Variants in UGT8 observed in about 807,000 individuals in gnomAD.
UGT8 encodes the protein 2-hydroxyacylsphingosine 1-beta-galactosyltransferase.
UGT8 carries 12 observed loss-of-function variants against 40.5 expected under a neutral mutation model. That is an observed-to-expected ratio of 0.30 (90% confidence interval 0.19 to 0.48). UGT8 has a LOEUF of 0.48. Among genes scored for constraint, UGT8 ranks in the 20% least tolerant of loss-of-function variants. The probability of loss-of-function intolerance (pLI) is 0.99; values close to 1 mark genes in which losing one functional copy is unlikely to be tolerated. For missense variants in UGT8, 513 were observed against 648.7 expected, an observed-to-expected ratio of 0.79 and a Z score of 2.27; for synonymous variants, 224 against 240.4, an observed-to-expected ratio of 0.93 and a Z score of 0.63.
At chr4:114,674,510 A>G (rs1199059638) in intron 5 of UGT8, among the ~76,000 whole-genome samples, 1 of 152,074 alleles carries the variant, frequency 6.6e-6, no homozygotes, top group Non-Finnish European at 1.5e-5. Flanking sequence ...CATCACGAGT[A>G]TCTTCCCTCT....
intron 1 of UGT8, among the ~76,000 whole-genome samples, chr4:114,605,653 T>C (rs1039461291): frequency 1.3e-5 from 2 of 152,146 alleles, no homozygotes; most frequent in African/African-American, 4.8e-5. Context: ...GGGGCTAATT[T>C]TCTTCCAAGT....
At chr4:114,671,132 A>G (rs1403131617) in intron 5 of UGT8, among the ~76,000 whole-genome samples, 1 of 152,190 alleles carries the variant, frequency 6.6e-6, no homozygotes, top group Non-Finnish European at 1.5e-5. Flanking sequence ...AAGGAGAACT[A>G]CAAACCACTG....
intron 2 of UGT8, among the ~76,000 whole-genome samples, chr4:114,639,007 T>C (rs1733053155): frequency 6.6e-6 from 1 of 152,228 alleles, no homozygotes; most frequent in African/African-American, 2.4e-5. Flanking sequence ...TTCTATTACT[T>C]ATTGGAAAAT....
intron 3 of UGT8, chr4:114,665,453 A>G (rs1034699399): frequency 1.5e-5 from 15 of 985,196 alleles, no homozygotes; most frequent in Non-Finnish European, 1.2e-5. Flanking sequence ...TGGAAAATAG[A>G]TCTCTATGTA....
chr4:114,641,797 A>G (rs908674551), intron 2 of UGT8, among the ~76,000 whole-genome samples: 3 of 152,184 alleles, frequency 2.0e-5, no homozygotes, highest in Non-Finnish European at 4.4e-5. Flanking sequence ...AAATTATAAG[A>G]TCAAAATTTC....
intron 1 of UGT8, among the ~76,000 whole-genome samples, chr4:114,599,996 C>T (rs577534843): frequency 6.6e-6 from 1 of 152,206 alleles, no homozygotes; most frequent in East Asian, 1.9e-4. Flanking sequence ...GCCTCTGTAC[C>T]TGTACCGCGA....
chr4:114,600,435 C>T (rs1730373670), intron 1 of UGT8, among the ~76,000 whole-genome samples: 1 of 152,110 alleles, frequency 6.6e-6, no homozygotes, highest in African/African-American at 2.4e-5. Context: ...TCAAAATTGG[C>T]GTGCTTCTGA....
intron 4 of UGT8, 35 bp from the exon 5 acceptor site, chr4:114,668,050 T>A (rs1735001838): frequency 6.2e-7 from 1 of 1,604,340 alleles, no homozygotes; most frequent in Admixed American, 1.7e-5. Context: ...AGAGTAATAA[T>A]GTTGTAAGTT....
At chr4:114,650,256 T>C (rs1305838967) in intron 2 of UGT8, among the ~76,000 whole-genome samples, 1 of 152,246 alleles carries the variant, frequency 6.6e-6, no homozygotes, top group African/African-American at 2.4e-5. Flanking sequence ...ATCTGCATGT[T>C]ATCTTCCTGG....
At chr4:114,623,939 T>TAGACTGCCTGGGAAGTAGTTTTCTGATTA (rs1732020710) in intron 2 of UGT8, 1 of 188,414 alleles carries the variant, frequency 5.3e-6, no homozygotes, top group Non-Finnish European at 9.9e-6. Context: ...ATATGGTCAA[T>TAGACTGCCTGGGAAGTAGTTTTCTGATTA]AGACTGCCTG....
At chr4:114,646,794 A>G (rs973879024) in intron 2 of UGT8, among the ~76,000 whole-genome samples, 2 of 152,170 alleles carry the variant, frequency 1.3e-5, no homozygotes, top group South Asian at 2.1e-4. Flanking sequence ...AGAAATGACA[A>G]TATTTTTTGT....
rs1735693374 is a variant in UGT8, at chr4:114,676,911, T to A, written c.*623T>A. ...TTTTTTGTATTTTTTTTTTTAGTTA[T>A]TTTTTGTTGTTGTTGTTTGTATTGT... On this transcript the variant is annotated 3_prime_UTR_variant, in exon 6 of 6. Coordinates refer to ENST00000310836, the MANE Select transcript of UGT8 (RefSeq NM_001128174.3). 6.6e-6 allele frequency: 1 copy of A among 151,718 alleles called. No homozygotes were observed. The highest frequency in any genetic ancestry group is 6.6e-5 in the Admixed American group (1 of 15,234). The allele number at this position is 151,718 out of a possible 1,614,324, so 9.4% of individuals were successfully genotyped here. A position where few individuals can be genotyped will look rare whatever the true frequency, so the allele number is the denominator to read the frequency against.
In UGT8 at chr4:114,663,941, A is replaced by G. The variant is rs538437118; in HGVS notation, c.823-54A>G. The G allele has an allele frequency of 1.4e-4, 216 of 1,591,622 alleles. 3 individuals are homozygous for G. In the South Asian group the frequency reaches 2.4e-3, roughly 18 times the overall value. On this transcript the variant is annotated intron_variant, in intron 2 of 5. Transcript: ENST00000310836. ...TTTTAACTGGGCTGTTAATAACACC[A>G]ATTATAAACTACATTGGTCTTCGTA...
At position 114,665,707 on chromosome 4, in the gene UGT8, A is replaced by G. The variant is rs1167178084; in HGVS notation, c.993A>G (p.Leu331=). Residue 331 remains leucine, a synonymous_variant, in exon 4 of 6, where the codon CTA becomes CTG. Transcript: ENST00000310836. ...WRFSGPKPKN[L]GNNTKLIEWL... Reference sequence around the variant, plus strand: ...TTTCTGGACCCAAACCAAAGAATCTAGGAAACAACACTAAACTCATAGAAT... The same window carrying G: ...TTTCTGGACCCAAACCAAAGAATCTGGGAAACAACACTAAACTCATAGAAT... The G allele has an allele frequency of 5.0e-6, 8 of 1,609,036 alleles. No individual in the cohort carries two copies. Among genetic ancestry groups the G allele is most frequent in the African/African-American group, 4.0e-5 (3 of 74,440 alleles).
At chr4:114,603,855 T>C (rs76180896) in intron 1 of UGT8, among the ~76,000 whole-genome samples, 1,978 of 152,304 alleles carry the variant, frequency 0.013, 30 homozygotes, top group African/African-American at 0.035. Context: ...GGACTTGGAT[T>C]TGTGATTAGA....
chr4:114,610,739 G>A (rs1730989764), intron 1 of UGT8, among the ~76,000 whole-genome samples: 1 of 152,068 alleles, frequency 6.6e-6, no homozygotes, highest in Non-Finnish European at 1.5e-5. Flanking sequence ...GAATTGAATA[G>A]GAAAATACCT....
intron 2 of UGT8, among the ~76,000 whole-genome samples, chr4:114,641,887 G>A (rs190231284): frequency 2.6e-4 from 39 of 152,090 alleles, no homozygotes; most frequent in African/African-American, 7.5e-4. Context: ...TATATTTTTC[G>A]ATATAGCTGT....
chr4:114,656,947 T>C, intron 2 of UGT8: 1 of 396,776 alleles, frequency 2.5e-6, no homozygotes, highest in East Asian at 9.7e-5. Flanking sequence ...TCAGATATGG[T>C]ACATAGCAGC....
At chr4:114,610,720 A>C (rs1281079079) in intron 1 of UGT8, among the ~76,000 whole-genome samples, 1 of 152,148 alleles carries the variant, frequency 6.6e-6, no homozygotes, top group Admixed American at 6.6e-5. Context: ...ACCTGTGAAG[A>C]CCTTCAAGGA....
Sources: allele counts gnomAD v4.1 joint callset (sites outside exome capture counted in the v4.1 genomes callset), GRCh38; gene constraint gnomAD v4.1.1; transcripts MANE v1.5; gene names NCBI Gene and HGNC (gene_info 2026-07-23, HGNC 2026-07-21).